RAD51B: variants seen among roughly 807,000 people sequenced by gnomAD.
RAD51B encodes RAD51 paralog B.
Under a neutral mutation model 42.2 loss-of-function variants are expected in RAD51B, and 38 were observed. The ratio of observed to expected loss-of-function variants is 0.90; its 90% CI spans 0.70 to 1.18. The LOEUF (loss-of-function observed/expected upper bound fraction) is 1.18, where lower values mean the gene tolerates loss of function less well. RAD51B is among the 50% of genes most tolerant of loss of function. The pLI, the probability that RAD51B is intolerant of heterozygous loss-of-function variation, is 0.00. For synonymous variants in RAD51B, 154 were observed against 145.2 expected, an observed-to-expected ratio of 1.06 and a Z score of -0.43; for missense variants, 373 against 400.7, an observed-to-expected ratio of 0.93 and a Z score of 0.59.
chr14:68,083,015 A>C (rs1486169730), intron 7 of RAD51B, among the ~76,000 whole-genome samples: 1 of 152,240 alleles, frequency 6.6e-6, no homozygotes, highest in Non-Finnish European at 1.5e-5. Context: ...ATGCTGGATC[A>C]CAACTCTTAC....
intron 7 of RAD51B, among the ~76,000 whole-genome samples, chr14:68,245,962 G>A (rs1194606883): frequency 6.6e-6 from 1 of 152,082 alleles, no homozygotes; most frequent in Non-Finnish European, 1.5e-5. Context: ...CTGGAAAATG[G>A]CCAAAATGAA....
intron 7 of RAD51B, among the ~76,000 whole-genome samples, chr14:67,918,623 T>G (rs1001431522): frequency 2.0e-5 from 3 of 152,092 alleles, no homozygotes; most frequent in Non-Finnish European, 4.4e-5. Flanking sequence ...TCAGCACCAT[T>G]AATGAGGGGG....
At chr14:68,642,041 A>G (rs1396215657) in intron 10 of RAD51B, among the ~76,000 whole-genome samples, 1 of 152,172 alleles carries the variant, frequency 6.6e-6, no homozygotes, top group Non-Finnish European at 1.5e-5. Flanking sequence ...CACGTTTGTA[A>G]GAGATAATTG....
chr14:68,633,393 G>A (rs1892276158), intron 10 of RAD51B, among the ~76,000 whole-genome samples: 1 of 152,222 alleles, frequency 6.6e-6, no homozygotes, highest in Non-Finnish European at 1.5e-5. Flanking sequence ...ATTCAAGCAG[G>A]AGAATACGCC....
chr14:68,639,680 A>G (rs1190302143), intron 10 of RAD51B, among the ~76,000 whole-genome samples: 2 of 152,218 alleles, frequency 1.3e-5, no homozygotes, highest in Admixed American at 1.3e-4. Context: ...CACTGCAGAC[A>G]CTTTGAGGAG....
intron 11 of RAD51B, among the ~76,000 whole-genome samples, chr14:68,657,518 T>A (rs1328304286): frequency 6.6e-6 from 1 of 152,326 alleles, no homozygotes; most frequent in Middle Eastern, 3.4e-3. Flanking sequence ...ATATACTAAG[T>A]GAGCCTGGTG....
chr14:67,908,602 T>C (rs1035997525), intron 7 of RAD51B: 5 of 152,144 alleles, frequency 3.3e-5, no homozygotes, highest in Non-Finnish European at 7.4e-5. Flanking sequence ...TTTGTTTTTT[T>C]ATTTTGTAGC....
chr14:68,422,390 G>T (rs938189730), intron 9 of RAD51B, among the ~76,000 whole-genome samples: 1 of 151,768 alleles, frequency 6.6e-6, no homozygotes, highest in Non-Finnish European at 1.5e-5. Context: ...GTGAAACCCC[G>T]TCTCTACTAA....
At chr14:67,886,095 G>A (rs2043052509) in intron 6 of RAD51B, 107 bp downstream of exon 6, 1 of 939,602 alleles carries the variant, frequency 1.1e-6, no homozygotes, top group Non-Finnish European at 1.5e-6. Flanking sequence ...TTAGAATTAT[G>A]TGGAGTAACT....
intron 7 of RAD51B, among the ~76,000 whole-genome samples, chr14:68,083,524 C>T (rs1191289069): frequency 1.3e-5 from 2 of 152,146 alleles, no homozygotes; most frequent in Non-Finnish European, 2.9e-5. Flanking sequence ...ATCATAACTG[C>T]TGGTTTCTTA....
chr14:68,549,850 G>T (rs1241251303), intron 10 of RAD51B, among the ~76,000 whole-genome samples: 1 of 152,222 alleles, frequency 6.6e-6, no homozygotes, highest in Non-Finnish European at 1.5e-5. Flanking sequence ...GCTTATGTTT[G>T]GTGACAGGAA....
intron 7 of RAD51B, among the ~76,000 whole-genome samples, chr14:67,957,587 T>C (rs1409071360): frequency 6.6e-6 from 1 of 152,100 alleles, no homozygotes; most frequent in Non-Finnish European, 1.5e-5. Flanking sequence ...ATAAAACAGG[T>C]AACATTTGAT....
chr14:67,869,067 C>T (rs375891136), intron 5 of RAD51B, among the ~76,000 whole-genome samples: 10 of 152,296 alleles, frequency 6.6e-5, no homozygotes, highest in African/African-American at 1.4e-4. Flanking sequence ...TCACCAGCAA[C>T]GGAACAAAGC....
At chr14:68,059,215 T>TAAC (rs1424333590) in intron 7 of RAD51B, among the ~76,000 whole-genome samples, 1 of 152,180 alleles carries the variant, frequency 6.6e-6, no homozygotes, top group East Asian at 1.9e-4. Flanking sequence ...GGCCTACTTA[T>TAAC]AACATCTTTG....
intron 7 of RAD51B, among the ~76,000 whole-genome samples, chr14:68,042,601 A>G (rs72725172): frequency 0.17 from 26,247 of 152,054 alleles, 2,433 homozygotes; most frequent in Middle Eastern, 0.35. Context: ...TTTTGTACAC[A>G]CCCTTTCTCC....
At chr14:68,105,127 T>C (rs549739698) in intron 7 of RAD51B, among the ~76,000 whole-genome samples, 32 of 151,560 alleles carry the variant, frequency 2.1e-4, no homozygotes, top group South Asian at 1.0e-3. Context: ...TTTTTTTTTT[T>C]CCCCTTGGTG....
intron 8 of RAD51B, among the ~76,000 whole-genome samples, chr14:68,410,997 AT>A (rs2084404368): frequency 6.6e-6 from 1 of 152,138 alleles, no homozygotes; most frequent in Non-Finnish European, 1.5e-5. Flanking sequence ...TTCTATATTG[AT>A]AGGGAAAATT....
chr14:68,043,019 G>A (rs975798232), intron 7 of RAD51B, among the ~76,000 whole-genome samples: 2 of 151,970 alleles, frequency 1.3e-5, no homozygotes, highest in African/African-American at 4.8e-5. Flanking sequence ...CTGAATGAAA[G>A]CAATCCTAAG....
chr14:67,957,470 T>A (rs1166352464), intron 7 of RAD51B, among the ~76,000 whole-genome samples: 1 of 152,244 alleles, frequency 6.6e-6, no homozygotes, highest in Non-Finnish European at 1.5e-5. Context: ...CTTATTTTTA[T>A]ATCTGTGGAT....
Sources: gnomAD v4.1 joint callset for allele counts (sites outside exome capture counted in the v4.1 genomes callset) on GRCh38, gnomAD v4.1.1 for gene constraint, MANE v1.5 for transcripts, NCBI Gene and HGNC (gene_info 2026-07-23, HGNC 2026-07-21) for gene names.